The following WDR49 variants were observed in gnomAD, a reference collection of about 807,000 sequenced individuals.
WDR49 encodes cilia- and flagella-associated protein 337.
In WDR49, 107 loss-of-function variants were observed where a neutral mutation model predicts 119.5. The ratio of observed to expected loss-of-function variants is 0.90; its 90% CI spans 0.77 to 1.05. The LOEUF is 1.05. Among genes scored for constraint, WDR49 ranks in the 50% least tolerant of loss-of-function variants. The pLI is 0.00. For synonymous variants in WDR49, 425 were observed against 418.8 expected, an observed-to-expected ratio of 1.01 and a Z score of -0.18; for missense variants, 1,240 against 1,220.5, an observed-to-expected ratio of 1.02 and a Z score of -0.24.
Position 167,621,603 on chromosome 3 carries a change from TC to T in WDR49, c.646del (p.Asp216IlefsTer17). On this transcript the variant is annotated frameshift_variant, in exon 4 of 19. Coordinates refer to ENST00000682715, the MANE Select transcript of WDR49 (RefSeq NM_001366157.1). LOFTEE classifies it high-confidence loss of function. ...AGCAAATTCTTCTTTGGACAGCAGATCATAGAAACAAACCTCTTTACTTGTA... is the reference window on the plus strand; with the variant it reads ...AGCAAATTCTTCTTTGGACAGCAGATATAGAAACAAACCTCTTTACTTGTA... ...AFTSKEVCFY[D>X]LLSKEEFACQ... 6.5e-7 allele frequency: 1 copy of T among 1,534,742 alleles called. No individual in the cohort carries two copies. Among genetic ancestry groups the T allele is most frequent in the South Asian group, 1.2e-5 (1 of 83,866 alleles).
chr3:167,564,698 G>C (rs775170521), intron 8 of WDR49, among the ~76,000 whole-genome samples: 1 of 152,166 alleles, frequency 6.6e-6, no homozygotes, highest in East Asian at 1.9e-4. Flanking sequence ...GTTCTGATGA[G>C]AACAGTCTCT....
intron 8 of WDR49, among the ~76,000 whole-genome samples, chr3:167,567,531 G>A (rs373614977): frequency 6.6e-6 from 1 of 152,192 alleles, no homozygotes; most frequent in African/African-American, 2.4e-5. Flanking sequence ...GGGCTCTCAT[G>A]ACTTTTTCTA....
At chr3:167,561,619 G>A (rs6444411) in intron 8 of WDR49, among the ~76,000 whole-genome samples, 2,403 of 152,228 alleles carry the variant, frequency 0.016, 68 homozygotes, top group African/African-American at 0.055. Flanking sequence ...GGGAGTGGAG[G>A]AGCAAGGGGC....
At chr3:167,595,150 C>G (rs1253431709) in intron 7 of WDR49, among the ~76,000 whole-genome samples, 1 of 152,100 alleles carries the variant, frequency 6.6e-6, no homozygotes, top group African/African-American at 2.4e-5. Context: ...ACTTAGGAAT[C>G]TAACTTACAA....
In WDR49 at chr3:167,566,508, C is replaced by T. The variant is rs564059249; in HGVS notation, c.1510-6280G>A. ...AATGCTCTCATTTTTGTAAAAAAAG[C>T]CTATAAAATAATATATATTCTTAAA... On this transcript the variant is annotated intron_variant, in intron 8 of 18. Coordinates refer to ENST00000682715, the MANE Select transcript of WDR49 (RefSeq NM_001366157.1). 1.2e-3 allele frequency among the ~76,000 whole-genome samples: 184 copies of T among 152,014 alleles called. 1 individual carries two copies. The highest frequency in any genetic ancestry group is 2.1e-3 in the Non-Finnish European group (141 of 67,974).
intron 7 of WDR49, among the ~76,000 whole-genome samples, chr3:167,591,660 C>A (rs780384491): frequency 2.0e-5 from 3 of 151,942 alleles, no homozygotes; most frequent in Admixed American, 6.6e-5. Context: ...ATAATGATTT[C>A]TTTGTCCCTT....
intron 18 of WDR49, among the ~76,000 whole-genome samples, chr3:167,491,022 T>C (rs549727685): frequency 6.6e-6 from 1 of 152,226 alleles, no homozygotes; most frequent in African/African-American, 2.4e-5. Context: ...AATTAAAACC[T>C]GACATCCCAG....
chr3:167,482,886 A>G (rs1051295087), intron 18 of WDR49, among the ~76,000 whole-genome samples: 1 of 152,178 alleles, frequency 6.6e-6, no homozygotes, highest in Non-Finnish European at 1.5e-5. Context: ...GGAGAAAGAA[A>G]CCTTGTTTAT....
chr3:167,548,623 C>T (rs1712352248), intron 10 of WDR49, among the ~76,000 whole-genome samples: 2 of 151,912 alleles, frequency 1.3e-5, no homozygotes, highest in Non-Finnish European at 2.9e-5. Flanking sequence ...AGGTATGATA[C>T]CAGCATCTTA....
chr3:167,655,439 C>T (rs750837759), upstream of WDR49, among the ~76,000 whole-genome samples: 13 of 152,210 alleles, frequency 8.5e-5, no homozygotes, highest in Admixed American at 3.3e-4. Flanking sequence ...GGGTCTCTTC[C>T]GGCTCTAACA....
chr3:167,617,041 AG>A (rs1716630042), intron 5 of WDR49, among the ~76,000 whole-genome samples: 1 of 152,170 alleles, frequency 6.6e-6, no homozygotes, highest in South Asian at 2.1e-4. Context: ...TTTGGTTCGC[AG>A]GGTGGGCAGC....
chr3:167,562,024 C>A (rs1713296272), intron 8 of WDR49, among the ~76,000 whole-genome samples: 1 of 151,862 alleles, frequency 6.6e-6, no homozygotes, highest in Non-Finnish European at 1.5e-5. Flanking sequence ...AATGAGTAGG[C>A]AAGCTGAAGA....
intron 5 of WDR49, among the ~76,000 whole-genome samples, chr3:167,618,000 A>G (rs1716684438): frequency 6.6e-6 from 1 of 152,124 alleles, no homozygotes. Context: ...ATATCTTCCA[A>G]TGTTATGTCC....
chr3:167,643,555 A>G (rs1717979360), intron 2 of WDR49, among the ~76,000 whole-genome samples: 1 of 152,118 alleles, frequency 6.6e-6, no homozygotes, highest in African/African-American at 2.4e-5. Context: ...CATTACTGGG[A>G]CGAAAGGGGA....
At position 167,626,900 on chromosome 3, in the gene WDR49, G is replaced by T; in HGVS notation, c.558C>A (p.Leu186=). ...CCAGACTTGTCACCCACAGGTGTTT[G>T]AGCTTGGTGGCATCTGAAGTGATGG... ...TFPITSDATK[L]KHLWVTSLVS... is the part of the protein sequence containing the mutation. The change falls in exon 3 of 19, where the codon CTC becomes CTA. Residue 186 remains leucine, a synonymous_variant. Transcript: ENST00000682715. 7.9e-7 allele frequency: 1 copy of T among 1,263,614 alleles called. No homozygotes were observed. The highest frequency in any genetic ancestry group is 3.4e-5 in the South Asian group (1 of 29,516). The allele number at this position is 1,263,614 out of a possible 1,614,324, so 78.3% of individuals were successfully genotyped here.
chr3:167,575,150 G>A, intron 8 of WDR49: 1 of 985,334 alleles, frequency 1.0e-6, no homozygotes, highest in Non-Finnish European at 1.2e-6. Flanking sequence ...CTCCTGCTGT[G>A]CTGTTACCAT....
At chr3:167,603,227 AGGGCCAGTT>A (rs748881032) in intron 6 of WDR49, among the ~76,000 whole-genome samples, 107 of 152,186 alleles carry the variant, frequency 7.0e-4, no homozygotes, top group Non-Finnish European at 3.5e-4. Context: ...TTCCTAGCTT[AGGGCCAGTT>A]GTGGAGCTGA....
intron 13 of WDR49, among the ~76,000 whole-genome samples, chr3:167,529,695 T>C (rs1752775828): frequency 6.6e-6 from 1 of 152,160 alleles, no homozygotes; most frequent in Non-Finnish European, 1.5e-5. Flanking sequence ...GCAGAATAGC[T>C]ATTGACTTCT....
chr3:167,592,194 C>G (rs1300234416), intron 7 of WDR49, among the ~76,000 whole-genome samples: 1 of 151,996 alleles, frequency 6.6e-6, no homozygotes, highest in East Asian at 1.9e-4. Flanking sequence ...TAATAAAGAC[C>G]CTATACCTTA....
Sources: allele counts gnomAD v4.1 joint callset (sites outside exome capture counted in the v4.1 genomes callset), GRCh38; gene constraint gnomAD v4.1.1; transcripts MANE v1.5; gene names NCBI Gene and HGNC (gene_info 2026-07-23, HGNC 2026-07-21).